B3GALT1: variants seen among roughly 807,000 people sequenced by gnomAD.
B3GALT1 encodes the protein UDP-Gal:betaGlcNAc beta 1,3-galactosyltransferase, polypeptide 1.
Under a neutral mutation model 23.2 loss-of-function variants are expected in B3GALT1, and 10 were observed. That is an observed-to-expected ratio of 0.43 (90% CI 0.27 to 0.73). B3GALT1 has a LOEUF of 0.73. Among genes scored for constraint, B3GALT1 ranks in the 30% least tolerant of loss-of-function variants. The pLI, the probability that B3GALT1 is intolerant of heterozygous loss-of-function variation, is 0.21. For missense variants in B3GALT1, 299 were observed against 405.4 expected (o/e 0.74, Z 2.25); for synonymous variants, 156 against 141.5 (o/e 1.10, Z -0.73).
At chr2:167,865,779 G>A (rs561189993) in intron 4 of B3GALT1, among the ~76,000 whole-genome samples, 74 of 152,248 alleles carry the variant, frequency 4.9e-4, no homozygotes, top group Non-Finnish European at 7.5e-4. Context: ...GCAACAGAGC[G>A]AGACTCCGTC....
chr2:167,297,395 T>TAA (rs57035238), intron 1 of B3GALT1, among the ~76,000 whole-genome samples: 19,801 of 144,168 alleles, frequency 0.14, 1,572 homozygotes, highest in African/African-American at 0.24. Context: ...AAAAACTGAT[T>TAA]AAAAAAAAAA....
chr2:167,609,171 T>C (rs578089631), intron 2 of B3GALT1, among the ~76,000 whole-genome samples: 1 of 152,286 alleles, frequency 6.6e-6, no homozygotes, highest in South Asian at 2.1e-4. Context: ...CATGATCATA[T>C]AAATAATTTT....
intron 1 of B3GALT1, among the ~76,000 whole-genome samples, chr2:167,397,120 A>G (rs1698111401): frequency 6.6e-6 from 1 of 152,068 alleles, no homozygotes; most frequent in Non-Finnish European, 1.5e-5. Context: ...AGAAAGATTT[A>G]TATTTCTTAT....
At chr2:167,599,350 C>T (rs1265732846) in intron 2 of B3GALT1, among the ~76,000 whole-genome samples, 6 of 151,992 alleles carry the variant, frequency 3.9e-5, no homozygotes, top group Non-Finnish European at 8.8e-5. Context: ...AATGAGATTC[C>T]ACTTTATGAA....
At chr2:167,362,132 G>C (rs1697509673) in intron 1 of B3GALT1, among the ~76,000 whole-genome samples, 1 of 151,984 alleles carries the variant, frequency 6.6e-6, no homozygotes, top group South Asian at 2.1e-4. Flanking sequence ...CATGGTAGCA[G>C]AGATTTTTTT....
In B3GALT1 at chr2:167,870,401, A is replaced by C. The variant is rs969297393; in HGVS notation, c.*381A>C. ...TAATACACAAATAGAAACCATTTTCAAAAGCAATTCAGAAAGGATGCACAG... is the reference window on the plus strand; with the variant it reads ...TAATACACAAATAGAAACCATTTTCCAAAGCAATTCAGAAAGGATGCACAG... On this transcript the variant is annotated 3_prime_UTR_variant, in exon 5 of 5. Transcript: ENST00000392690. The C allele has an allele frequency of 1.1e-5, 2 of 183,168 alleles. No homozygotes were observed. The highest frequency in any genetic ancestry group is 4.8e-5 in the African/African-American group (2 of 41,926). 11.3% of individuals were successfully genotyped at this position (183,168 alleles called of 1,614,324 possible).
intron 1 of B3GALT1, among the ~76,000 whole-genome samples, chr2:167,422,441 A>C (rs771538845): frequency 1.3e-5 from 2 of 152,182 alleles, no homozygotes; most frequent in Non-Finnish European, 2.9e-5. Context: ...GCCTGAGCTG[A>C]GTAAGACAAC....
At chr2:167,602,232 G>C (rs947635364) in intron 2 of B3GALT1, among the ~76,000 whole-genome samples, 1 of 152,166 alleles carries the variant, frequency 6.6e-6, no homozygotes, top group Non-Finnish European at 1.5e-5. Context: ...GTGAAAAATA[G>C]CAGGCAAATT....
intron 2 of B3GALT1, among the ~76,000 whole-genome samples, chr2:167,600,557 C>A (rs2105423408): frequency 6.6e-6 from 1 of 152,316 alleles, no homozygotes; most frequent in East Asian, 1.9e-4. Flanking sequence ...CTGTTCCCCC[C>A]AGCCTTAAAC....
At chr2:167,655,686 T>A (rs1171564683) in intron 3 of B3GALT1, among the ~76,000 whole-genome samples, 1 of 152,190 alleles carries the variant, frequency 6.6e-6, no homozygotes, top group Non-Finnish European at 1.5e-5. Flanking sequence ...GAGGCTAACA[T>A]CTTCCAAATT....
intron 2 of B3GALT1, among the ~76,000 whole-genome samples, chr2:167,501,570 A>G (rs1270863621): frequency 6.6e-6 from 1 of 151,970 alleles, no homozygotes; most frequent in African/African-American, 2.4e-5. Context: ...TACAAAACAC[A>G]AAAAAGATTT....
intron 4 of B3GALT1, among the ~76,000 whole-genome samples, chr2:167,839,122 C>T (rs1459931038): frequency 4.6e-5 from 7 of 152,270 alleles, no homozygotes; most frequent in African/African-American, 1.7e-4. Context: ...TGGCACAAGA[C>T]AGGGATGCCC....
chr2:167,774,485 G>GTTTTGTTTTTTGTTT (rs1688125273), intron 3 of B3GALT1, among the ~76,000 whole-genome samples: 1 of 105,180 alleles, frequency 9.5e-6, no homozygotes. Flanking sequence ...TTTTTTTTTT[G>GTTTTGTTTTTTGTTT]TTTTTTTTTT....
chr2:167,638,290 ACTG>A lies in B3GALT1; in HGVS notation c.-409-8616_-409-8614del, dbSNP rs199693147. Among the ~76,000 whole-genome samples the A allele has an allele frequency of 3.8e-3, 581 of 152,218 alleles. 5 individuals carry two copies. Among genetic ancestry groups the A allele is most frequent in the African/African-American group, 0.013 (558 of 41,566 alleles). ...TGAAACATTTTCACCGTGAAGCAGC[ACTG>A]CTAAAACAAACTAGCATTGGCATGG... is the stretch of plus-strand genomic sequence containing the variant. On this transcript the variant is annotated intron_variant, in intron 2 of 4. Transcript: ENST00000392690.
intron 3 of B3GALT1, among the ~76,000 whole-genome samples, chr2:167,686,796 C>A (rs2029082): frequency 2.6e-5 from 4 of 151,972 alleles, no homozygotes; most frequent in Non-Finnish European, 4.4e-5. Flanking sequence ...GAGACCAAGC[C>A]TAAACTTGTG....
chr2:167,851,154 T>C (rs985537853), intron 4 of B3GALT1, among the ~76,000 whole-genome samples: 1 of 152,008 alleles, frequency 6.6e-6, no homozygotes, highest in Non-Finnish European at 1.5e-5. Context: ...TTTGTAATAC[T>C]AAAACAAAAG....
At chr2:167,845,204 G>T (rs762262344) in intron 4 of B3GALT1, among the ~76,000 whole-genome samples, 1 of 152,064 alleles carries the variant, frequency 6.6e-6, no homozygotes, top group South Asian at 2.1e-4. Context: ...GGAGTTCTAG[G>T]GCCCCACCCA....
chr2:167,341,130 G>A (rs1425305297), intron 1 of B3GALT1, among the ~76,000 whole-genome samples: 2 of 152,126 alleles, frequency 1.3e-5, no homozygotes, highest in African/African-American at 4.8e-5. Context: ...TCCAAACTGA[G>A]TCACAGATTA....
intron 1 of B3GALT1, among the ~76,000 whole-genome samples, chr2:167,420,102 T>C (rs1002345461): frequency 7.2e-5 from 11 of 152,198 alleles, no homozygotes; most frequent in African/African-American, 2.4e-4. Flanking sequence ...TAGAATGAGC[T>C]GAAGGTTCAT....
Sources: gnomAD v4.1 joint callset for allele counts (sites outside exome capture counted in the v4.1 genomes callset) on GRCh38, gnomAD v4.1.1 for gene constraint, MANE v1.5 for transcripts, NCBI Gene and HGNC (gene_info 2026-07-23, HGNC 2026-07-21) for gene names.